The following PARD3B variants were observed in gnomAD, a reference collection of about 807,000 sequenced individuals.
PARD3B encodes partitioning defective 3 homolog B.
PARD3B carries 103 observed loss-of-function variants against 130.2 expected under a neutral mutation model. That is an observed-to-expected ratio of 0.79 (90% CI 0.67 to 0.93). The LOEUF is 0.93. PARD3B is among the 40% of genes least tolerant of loss of function. The pLI is 0.00. For synonymous variants in PARD3B, 583 were observed against 553.2 expected (o/e 1.05, Z -0.76); for missense variants, 1,609 against 1,499.2 (o/e 1.07, Z -1.21).
At chr2:204,807,849 G>C (rs2042829668) in intron 2 of PARD3B, among the ~76,000 whole-genome samples, 1 of 151,886 alleles carries the variant, frequency 6.6e-6, no homozygotes, top group Non-Finnish European at 1.5e-5. Context: ...AAGGGTTGTG[G>C]GGGTTGGGGG....
intron 2 of PARD3B, among the ~76,000 whole-genome samples, chr2:204,921,655 T>C (rs2047685289): frequency 6.6e-6 from 1 of 152,092 alleles, no homozygotes; most frequent in Non-Finnish European, 1.5e-5. Flanking sequence ...TTCAGGAGCA[T>C]GTGAGAGAGG....
chr2:204,869,989 T>A (rs1438959815), intron 2 of PARD3B, among the ~76,000 whole-genome samples: 1 of 152,224 alleles, frequency 6.6e-6, no homozygotes, highest in Admixed American at 6.5e-5. Flanking sequence ...CTGATAGGGC[T>A]GTACCTACTG....
At chr2:205,254,779 C>T (rs1574514380) in intron 16 of PARD3B, among the ~76,000 whole-genome samples, 3 of 151,500 alleles carry the variant, frequency 2.0e-5, no homozygotes, top group African/African-American at 4.8e-5. Context: ...ATTCTCCTGC[C>T]TCAGCCTCCC....
intron 10 of PARD3B, among the ~76,000 whole-genome samples, chr2:205,127,948 G>A (rs1214039740): frequency 6.6e-6 from 1 of 152,126 alleles, no homozygotes; most frequent in Non-Finnish European, 1.5e-5. Flanking sequence ...AAAGACCTTG[G>A]TCTTTCTCTA....
intron 11 of PARD3B, among the ~76,000 whole-genome samples, chr2:205,166,884 C>T (rs545426794): frequency 3.3e-4 from 50 of 152,198 alleles, no homozygotes; most frequent in African/African-American, 1.2e-3. Context: ...TACCAAGGGC[C>T]CCGTTAGAAG....
At chr2:204,622,804 A>G (rs1239897673) in intron 1 of PARD3B, among the ~76,000 whole-genome samples, 2 of 152,118 alleles carry the variant, frequency 1.3e-5, no homozygotes, top group Non-Finnish European at 2.9e-5. Context: ...CTTATATTCA[A>G]CAAATTCTGT....
At chr2:205,431,249 G>C (rs2047321848) in intron 19 of PARD3B, among the ~76,000 whole-genome samples, 1 of 151,934 alleles carries the variant, frequency 6.6e-6, no homozygotes, top group South Asian at 2.1e-4. Flanking sequence ...GCTAATTGTT[G>C]TGTTTTTAGT....
At position 205,281,521 on chromosome 2, in the gene PARD3B, C is replaced by T. The variant is rs2041188917; in HGVS notation, c.2186-19009C>T. Reference sequence around the variant, plus strand: ...AGTATTTCTGTCCCAAAGTCCCAGGCACACCCTTAATCTCTGCAATTGTAA... The same window carrying T: ...AGTATTTCTGTCCCAAAGTCCCAGGTACACCCTTAATCTCTGCAATTGTAA... On this transcript the variant is annotated intron_variant, in intron 16 of 22. Transcript: ENST00000406610. This position sits in a 1 kb window ranked among gnomAD's most constrained non-coding sequence, Gnocchi z 4.2. 6.6e-6 allele frequency among the ~76,000 whole-genome samples: 1 copy of T among 152,194 alleles called. No individual in the cohort carries two copies. Among genetic ancestry groups the T allele is most frequent in the Non-Finnish European group, 1.5e-5 (1 of 68,034 alleles).
intron 15 of PARD3B, among the ~76,000 whole-genome samples, chr2:205,199,404 G>T (rs1221391459): frequency 2.0e-5 from 3 of 152,016 alleles, no homozygotes; most frequent in Non-Finnish European, 4.4e-5. Flanking sequence ...GTAGAAAAGA[G>T]GAAGAGAGAA....
intron 4 of PARD3B, among the ~76,000 whole-genome samples, chr2:205,090,080 G>A (rs1407765688): frequency 6.6e-6 from 1 of 152,168 alleles, no homozygotes; most frequent in Non-Finnish European, 1.5e-5. Context: ...GAAGAGAAGA[G>A]CAAGGTTTAC....
At chr2:205,518,984 G>A (rs1198278637) in intron 21 of PARD3B, among the ~76,000 whole-genome samples, 2 of 152,240 alleles carry the variant, frequency 1.3e-5, no homozygotes, top group Non-Finnish European at 2.9e-5. Flanking sequence ...CCCTTTGTGG[G>A]TGACCTGTCC....
At chr2:205,181,399 G>C (rs2035779576) in intron 13 of PARD3B, among the ~76,000 whole-genome samples, 1 of 152,228 alleles carries the variant, frequency 6.6e-6, no homozygotes. Context: ...ACTATCAGGA[G>C]TGGTGAATGC....
chr2:205,140,131 C>T (rs146880865), intron 10 of PARD3B, among the ~76,000 whole-genome samples: 7 of 152,174 alleles, frequency 4.6e-5, no homozygotes, highest in African/African-American at 1.7e-4. Context: ...GAGGCCAGGG[C>T]GGAGTAATGG....
In PARD3B at chr2:204,943,796, G is replaced by A. The variant is rs913544944; in HGVS notation, c.223-21356G>A. Among the ~76,000 whole-genome samples the A allele has an allele frequency of 6.6e-6, 1 of 152,092 alleles. No homozygotes were observed. ...CATCCCTACATTGCCTTTCCTATCTGCCATGTGCAAATTAGGGAGACTGAG... is the reference window on the plus strand; with the variant it reads ...CATCCCTACATTGCCTTTCCTATCTACCATGTGCAAATTAGGGAGACTGAG... On this transcript the variant is annotated intron_variant, in intron 2 of 22. Transcript: ENST00000406610. The surrounding 1 kb of genome is among the most constrained non-coding windows in gnomAD (Gnocchi z 4.2).
intron 20 of PARD3B, among the ~76,000 whole-genome samples, chr2:205,442,186 T>G (rs2047737870): frequency 6.6e-6 from 1 of 152,020 alleles, no homozygotes; most frequent in Non-Finnish European, 1.5e-5. Context: ...CAATACTAAT[T>G]CCATGGAAAT....
In PARD3B at chr2:205,340,266, C is replaced by T. The variant is rs140781507; in HGVS notation, c.2630+38565C>T. Among the ~76,000 whole-genome samples, 181 of 152,102 alleles carry T rather than the reference C, an allele frequency of 1.2e-3. 2 individuals are homozygous for T. Among genetic ancestry groups the T allele is most frequent in the East Asian group, 4.1e-3 (21 of 5,182 alleles). On this transcript the variant is annotated intron_variant, in intron 18 of 22. Transcript: ENST00000406610. ...GAAATAGAAAAATTCCTAAAATCTACGTAGAACCACAAAAGACCCTGAATA... is the reference window on the plus strand; with the variant it reads ...GAAATAGAAAAATTCCTAAAATCTATGTAGAACCACAAAAGACCCTGAATA...
intron 1 of PARD3B, among the ~76,000 whole-genome samples, chr2:204,650,943 C>G (rs957189479): frequency 6.6e-6 from 1 of 152,066 alleles, no homozygotes; most frequent in African/African-American, 2.4e-5. Flanking sequence ...ACAACCAGAT[C>G]TCAGGATAAC....
At chr2:205,516,357 C>A (rs2050792859) in intron 21 of PARD3B, among the ~76,000 whole-genome samples, 1 of 152,090 alleles carries the variant, frequency 6.6e-6, no homozygotes, top group African/African-American at 2.4e-5. Context: ...GCCAGTATGG[C>A]CATTTTAATG....
At chr2:204,892,463 T>A (rs2046483586) in intron 2 of PARD3B, among the ~76,000 whole-genome samples, 1 of 152,206 alleles carries the variant, frequency 6.6e-6, no homozygotes, top group African/African-American at 2.4e-5. Context: ...CCGCTAGTCA[T>A]GTGTGGCTGT....
Sources: gnomAD v4.1 joint callset for allele counts (sites outside exome capture counted in the v4.1 genomes callset) on GRCh38, gnomAD v4.1.1 for gene constraint, Gnocchi (gnomAD v3.1) non-coding constraint, MANE v1.5 for transcripts, NCBI Gene and HGNC (gene_info 2026-07-23, HGNC 2026-07-21) for gene names.